PCDHGA1: variants seen among roughly 807,000 people sequenced by gnomAD.
PCDHGA1 encodes the protein protocadherin gamma-A1.
Under a neutral mutation model 58.0 loss-of-function variants are expected in PCDHGA1, and 32 were observed. That is an observed-to-expected ratio of 0.55 (90% CI 0.42 to 0.74). PCDHGA1 has a LOEUF of 0.74. Among genes scored for constraint, PCDHGA1 ranks in the 30% least tolerant of loss-of-function variants. The pLI, the probability that PCDHGA1 is intolerant of heterozygous loss-of-function variation, is 0.00. For synonymous variants in PCDHGA1, 498 were observed against 501.1 expected (o/e 0.99, Z 0.08); for missense variants, 1,205 against 1,182.3 (o/e 1.02, Z -0.28).
intron 1 of PCDHGA1, chr5:141,399,784 G>A: frequency 6.2e-7 from 1 of 1,613,288 alleles, no homozygotes; most frequent in Non-Finnish European, 8.5e-7. Context: ...CGACCGAAAC[G>A]ACAACGCACC....
At chr5:141,368,306 T>C (rs1456479805) in intron 1 of PCDHGA1, among the ~76,000 whole-genome samples, 1 of 152,130 alleles carries the variant, frequency 6.6e-6, no homozygotes, top group African/African-American at 2.4e-5. Context: ...TTAAACACTG[T>C]TAAAGAGCAT....
intron 1 of PCDHGA1, among the ~76,000 whole-genome samples, chr5:141,429,377 G>GT (rs566693637): frequency 0.17 from 24,737 of 149,382 alleles, 2,566 homozygotes; most frequent in African/African-American, 0.31. Context: ...GAGAAAATGT[G>GT]TTTTTTTTTT....
rs533830391 is a variant in PCDHGA1, at chr5:141,492,559, C to T, written c.2422-2248C>T. 4.6e-5 allele frequency among the ~76,000 whole-genome samples: 7 copies of T among 152,292 alleles called. No homozygotes were observed. The East Asian group carries it at 1.4e-3, about 29-fold the overall frequency. The stretch of plus-strand genomic sequence containing the variant: ...GGGCTGGGCCGGGTCGCCTGGGGGG[C>T]GGCCTGAGCGAGGCGCGGGGCCAGG... On this transcript the variant is annotated intron_variant, in intron 1 of 3. Coordinates refer to ENST00000517417, the MANE Select transcript of PCDHGA1 (RefSeq NM_018912.3).
At chr5:141,403,167 C>G (rs775617849) in intron 1 of PCDHGA1, 1 of 1,614,026 alleles carries the variant, frequency 6.2e-7, no homozygotes, top group Non-Finnish European at 8.5e-7. Flanking sequence ...AGAGGTAGGA[C>G]GCAGCTTTTC....
intron 2 of PCDHGA1, among the ~76,000 whole-genome samples, chr5:141,500,508 C>T (rs2099801020): frequency 6.6e-6 from 1 of 152,078 alleles, no homozygotes; most frequent in African/African-American, 2.4e-5. Context: ...CGCGCCTGGC[C>T]GAGCTTCATT....
chr5:141,374,157 G>A (rs1394990278), intron 1 of PCDHGA1: 1 of 1,612,216 alleles, frequency 6.2e-7, no homozygotes, highest in African/African-American at 1.3e-5. Flanking sequence ...ACGCTGTGGG[G>A]GGCCGCGGCA....
intron 1 of PCDHGA1, chr5:141,393,405 C>T (rs777100284): frequency 1.2e-6 from 2 of 1,614,032 alleles, no homozygotes; most frequent in Non-Finnish European, 1.7e-6. Flanking sequence ...GGTGCTGGAG[C>T]GCGCCCTGGA....
In PCDHGA1 at chr5:141,491,424, G is replaced by A. The variant is rs745755214; in HGVS notation, c.2422-3383G>A. The A allele has an allele frequency of 6.2e-7, 1 of 1,614,092 alleles. No individual in the cohort carries two copies. Among genetic ancestry groups the A allele is most frequent in the Non-Finnish European group, 8.5e-7 (1 of 1,180,028 alleles). ...ACGCAGACGGGGACGGGGGTGGAGG[G>A]CAGTGCTGCAGGCGCCAGGACTCAC... On this transcript the variant is annotated intron_variant, in intron 1 of 3. Coordinates refer to ENST00000517417, the MANE Select transcript of PCDHGA1 (RefSeq NM_018912.3). The surrounding 1 kb of genome is among the most constrained non-coding windows in gnomAD (Gnocchi z 6.9).
intron 1 of PCDHGA1, chr5:141,357,201 C>T: frequency 6.2e-7 from 1 of 1,613,844 alleles, no homozygotes; most frequent in Non-Finnish European, 8.5e-7. Flanking sequence ...TGGCCGACAG[C>T]ATCCCAGATG....
intron 1 of PCDHGA1, chr5:141,400,483 C>G (rs748464990): frequency 1.4e-5 from 22 of 1,613,902 alleles, no homozygotes; most frequent in Non-Finnish European, 1.7e-5. Context: ...GGCCTTATTT[C>G]CACTTTGTAA....
intron 1 of PCDHGA1, chr5:141,422,984 G>A (rs752694873): frequency 4.5e-5 from 73 of 1,614,112 alleles, no homozygotes; most frequent in Non-Finnish European, 5.9e-5. Flanking sequence ...GCGGAACCTG[G>A]CTACCTGGTG....
rs200765071 is a variant in PCDHGA1 at position 141,374,360 on chromosome 5, G to A, written c.2421+41255G>A. 304 of 1,613,908 alleles carry A rather than the reference G, an allele frequency of 1.9e-4. No homozygotes were observed. The highest frequency in any genetic ancestry group is 4.2e-4 in the Admixed American group (25 of 60,006). On this transcript the variant is annotated intron_variant, in intron 1 of 3. Transcript: ENST00000517417. ...GGTCACCGCGGGTAGGATAGACCGC[G>A]AGGAGCTCTGTGCTCAGAGCCCGCG...
rs2099693161 is a variant in PCDHGA1, at chr5:141,489,871, G to T, written c.2422-4936G>T. ...TGAAGCCCAGGCAAGACATCAGCTG[G>T]TGCTTACTGCTGTGGATGGGGGGAC... On this transcript the variant is annotated intron_variant, in intron 1 of 3. Coordinates refer to ENST00000517417, the MANE Select transcript of PCDHGA1 (RefSeq NM_018912.3). This position sits in a 1 kb window ranked among gnomAD's most constrained non-coding sequence, Gnocchi z 4.5. The T allele has an allele frequency of 6.2e-7, 1 of 1,614,088 alleles. No homozygotes were observed. Among genetic ancestry groups the T allele is most frequent in the Non-Finnish European group, 8.5e-7 (1 of 1,180,022 alleles).
intron 1 of PCDHGA1, chr5:141,475,983 C>A: frequency 9.5e-7 from 1 of 1,049,244 alleles, no homozygotes; most frequent in Non-Finnish European, 1.4e-6. Context: ...GAACAGCCGG[C>A]GAGCAAATCA....
chr5:141,425,482 C>G (rs1257043728), intron 1 of PCDHGA1, among the ~76,000 whole-genome samples: 1 of 152,192 alleles, frequency 6.6e-6, no homozygotes, highest in East Asian at 1.9e-4. Flanking sequence ...CCTATGGCAA[C>G]CTACTAGGCT....
At chr5:141,404,508 C>T (rs2154535422) in intron 1 of PCDHGA1, 2 of 1,613,964 alleles carry the variant, frequency 1.2e-6, no homozygotes, top group Non-Finnish European at 1.7e-6. Flanking sequence ...GCTCTGTGCT[C>T]CTTTGACTAT....
intron 1 of PCDHGA1, chr5:141,400,170 G>T (rs779918187): frequency 6.2e-7 from 1 of 1,614,066 alleles, no homozygotes; most frequent in Admixed American, 1.7e-5. Flanking sequence ...CTGACCCCCA[G>T]GCTGAGCTGC....
chr5:141,407,529 T>G (rs2154538729), intron 1 of PCDHGA1, among the ~76,000 whole-genome samples: 1 of 151,552 alleles, frequency 6.6e-6, no homozygotes, highest in South Asian at 2.1e-4. Context: ...CTTAACTTAT[T>G]GTGCATTGGT....
At chr5:141,376,756 G>A (rs1049941497) in intron 1 of PCDHGA1, 9 of 448,098 alleles carry the variant, frequency 2.0e-5, no homozygotes, top group African/African-American at 1.7e-4. Context: ...GCGCAATCTC[G>A]GCTCACTGCA....
Sources: allele counts gnomAD v4.1 joint callset (sites outside exome capture counted in the v4.1 genomes callset), GRCh38; gene constraint gnomAD v4.1.1; non-coding constraint Gnocchi (gnomAD v3.1); transcripts MANE v1.5; gene names NCBI Gene and HGNC (gene_info 2026-07-23, HGNC 2026-07-21).